ATE1: variants seen among roughly 807,000 people sequenced by gnomAD.
The protein encoded by ATE1 is arginyl-tRNA--protein transferase 1.
ATE1 carries 36 observed loss-of-function variants against 70.5 expected under a neutral mutation model. The observed-to-expected ratio is 0.51, with a 90% CI of 0.39 to 0.67. ATE1 has a LOEUF of 0.67. Ranked by LOEUF, ATE1 falls within the 30% of genes least tolerant of loss-of-function variation. The pLI is 0.00. For missense variants in ATE1, 593 were observed against 629.5 expected, an observed-to-expected ratio of 0.94 and a Z score of 0.62; for synonymous variants, 232 against 219.3, an observed-to-expected ratio of 1.06 and a Z score of -0.51.
intron 5 of ATE1, among the ~76,000 whole-genome samples, chr10:121,908,312 T>C (rs1047951618): frequency 1.3e-5 from 2 of 152,198 alleles, no homozygotes; most frequent in African/African-American, 4.8e-5. Flanking sequence ...GAGACCAGCC[T>C]GGCCAACATG....
intron 9 of ATE1, among the ~76,000 whole-genome samples, chr10:121,838,776 C>T (rs1403618559): frequency 6.6e-6 from 1 of 151,872 alleles, no homozygotes; most frequent in African/African-American, 2.4e-5. Flanking sequence ...CAAACAAATG[C>T]CATGCTCATG....
Position 121,902,594 on chromosome 10 carries a change from G to A in ATE1, c.610C>T (p.Pro204Ser). The change falls in exon 6 of 12, where the codon CCA (proline) becomes TCA (serine). Residue 204 changes from proline to serine, a missense_variant. This residue lies in a region of ATE1 where 467 missense variants were observed against 469.6 expected (regional missense o/e 0.99). Transcript: ENST00000224652. ...CGGATTTCCTTTGCTTTTCGACATG[G>A]AGGCTTACTCAAATCAGCCCCTTTG... ...PGKGADLSKP[P>S]CRKAKEIRKE... The A allele has an allele frequency of 6.2e-7, 1 of 1,612,612 alleles. No individual in the cohort carries two copies. Among genetic ancestry groups the A allele is most frequent in the Non-Finnish European group, 8.5e-7 (1 of 1,179,172 alleles).
intron 10 of ATE1, among the ~76,000 whole-genome samples, chr10:121,827,202 C>T (rs981057789): frequency 1.3e-4 from 20 of 152,016 alleles, no homozygotes; most frequent in East Asian, 5.8e-4. Flanking sequence ...TTAGTAGAGA[C>T]GGGGTTTCAC....
At chr10:121,814,248 T>C (rs1947445758) in intron 10 of ATE1, among the ~76,000 whole-genome samples, 1 of 152,136 alleles carries the variant, frequency 6.6e-6, no homozygotes, top group African/African-American at 2.4e-5. Context: ...AAGATGCCTG[T>C]ATTGGGCAAT....
intron 7 of ATE1, among the ~76,000 whole-genome samples, chr10:121,898,358 G>C (rs73364471): frequency 6.6e-6 from 1 of 152,170 alleles, no homozygotes; most frequent in South Asian, 2.1e-4. Context: ...AGATGATTCT[G>C]CTTAACTGCA....
At chr10:121,858,548 G>C (rs1232918494) in intron 8 of ATE1, among the ~76,000 whole-genome samples, 1 of 149,202 alleles carries the variant, frequency 6.7e-6, no homozygotes, top group Non-Finnish European at 1.5e-5. Flanking sequence ...AATCATCTTT[G>C]GATACCCGAA....
intron 11 of ATE1, among the ~76,000 whole-genome samples, chr10:121,767,332 A>G (rs1372406737): frequency 6.6e-6 from 1 of 152,226 alleles, no homozygotes; most frequent in East Asian, 1.9e-4. Flanking sequence ...AGATCAGAAA[A>G]AAAGTAAGGT....
chr10:121,913,377 T>C (rs1303523216), intron 4 of ATE1, among the ~76,000 whole-genome samples: 1 of 152,216 alleles, frequency 6.6e-6, no homozygotes, highest in African/African-American at 2.4e-5. Flanking sequence ...ACAGAAAAGC[T>C]GATCTTTATT....
chr10:121,830,141 C>T (rs909777424), intron 10 of ATE1, among the ~76,000 whole-genome samples: 1 of 152,188 alleles, frequency 6.6e-6, no homozygotes, highest in African/African-American at 2.4e-5. Context: ...TGAGGGTTCT[C>T]ATGTGCAAGT....
intron 4 of ATE1, among the ~76,000 whole-genome samples, chr10:121,911,453 A>AAC (rs535310705): frequency 3.3e-4 from 50 of 151,786 alleles, no homozygotes; most frequent in Non-Finnish European, 4.9e-4. Flanking sequence ...AAAAAAAAAA[A>AAC]AAAAAAACAA....
chr10:121,900,826 G>A (rs954586692), intron 6 of ATE1, among the ~76,000 whole-genome samples: 2 of 152,112 alleles, frequency 1.3e-5, no homozygotes, highest in Non-Finnish European at 2.9e-5. Flanking sequence ...TATGTTAAGC[G>A]TGCTTGGCCT....
At chr10:121,862,958 G>A (rs1436520025) in intron 8 of ATE1, among the ~76,000 whole-genome samples, 1 of 152,014 alleles carries the variant, frequency 6.6e-6, no homozygotes, top group Non-Finnish European at 1.5e-5. Flanking sequence ...TATACATATA[G>A]CTAGCCAACA....
chr10:121,872,519 T>TA (rs965397575), intron 7 of ATE1, among the ~76,000 whole-genome samples: 1 of 152,212 alleles, frequency 6.6e-6, no homozygotes, highest in African/African-American at 2.4e-5. Context: ...CATTTTTTTT[T>TA]ATGTTTCACT....
chr10:121,878,608 G>GA (rs1950133678), intron 7 of ATE1, among the ~76,000 whole-genome samples: 3 of 143,038 alleles, frequency 2.1e-5, no homozygotes, highest in Non-Finnish European at 3.1e-5. Context: ...AAAAAGAAAA[G>GA]AAAAGAAAAA....
At chr10:121,856,190 A>T (rs1445154392) in intron 8 of ATE1, among the ~76,000 whole-genome samples, 1 of 152,158 alleles carries the variant, frequency 6.6e-6, no homozygotes, top group African/African-American at 2.4e-5. Flanking sequence ...TTTTCTCAGA[A>T]TTATTAGTAT....
intron 11 of ATE1, among the ~76,000 whole-genome samples, chr10:121,776,244 T>A (rs1945734012): frequency 6.6e-6 from 1 of 152,208 alleles, no homozygotes; most frequent in Admixed American, 6.5e-5. Context: ...GTTGCCCTAT[T>A]GTGCTACCAA....
chr10:121,894,137 CAAA>C (rs35919973), intron 7 of ATE1, among the ~76,000 whole-genome samples: 18 of 60,308 alleles, frequency 3.0e-4, no homozygotes, highest in Non-Finnish European at 3.8e-4. Flanking sequence ...AACTCCATCT[CAAA>C]AAAAAAAAAA....
At chr10:121,885,260 CAAAAAAAAAAAAAAA>C (rs1212899309) in intron 7 of ATE1, among the ~76,000 whole-genome samples, 2 of 33,374 alleles carry the variant, frequency 6.0e-5, no homozygotes, top group African/African-American at 2.3e-4. Flanking sequence ...GACTCCGTCT[CAAAAAAAAAAAAAAA>C]AAAAAAAAAA....
upstream of ATE1, chr10:121,928,251 G>A: frequency 3.5e-6 from 5 of 1,408,916 alleles, no homozygotes; most frequent in Non-Finnish European, 4.7e-6. Flanking sequence ...AGAGGGGAAG[G>A]GAAGCGGGAG....
Sources: allele counts gnomAD v4.1 joint callset (sites outside exome capture counted in the v4.1 genomes callset), GRCh38; gene constraint gnomAD v4.1.1; regional missense constraint gnomAD v4.1.1; transcripts MANE v1.5; gene names NCBI Gene and HGNC (gene_info 2026-07-23, HGNC 2026-07-21).